Variants in HHAT observed in about 807,000 individuals in gnomAD.
HHAT encodes hedgehog acyltransferase.
A neutral mutation model predicts 70.8 loss-of-function variants in HHAT; 47 were observed. The ratio of observed to expected loss-of-function variants is 0.66; its 90% CI spans 0.53 to 0.85. The LOEUF (loss-of-function observed/expected upper bound fraction) is 0.85. Ranked by LOEUF, HHAT falls within the 40% of genes least tolerant of loss-of-function variation. The pLI, the probability that HHAT is intolerant of heterozygous loss-of-function variation, is 0.00. For missense variants in HHAT, 609 were observed against 604.8 expected, an observed-to-expected ratio of 1.01 and a Z score of -0.07; for synonymous variants, 228 against 247.6, an observed-to-expected ratio of 0.92 and a Z score of 0.74.
At chr1:210,405,977 T>C (rs1033492) in intron 6 of HHAT, among the ~76,000 whole-genome samples, 30,979 of 152,094 alleles carry the variant, frequency 0.2, 3,315 homozygotes, top group Admixed American at 0.25. Flanking sequence ...ACCAGCAGCA[T>C]CAGTATCGCC....
intron 2 of HHAT, among the ~76,000 whole-genome samples, chr1:210,359,838 A>T (rs565645214): frequency 6.2e-4 from 94 of 152,032 alleles, no homozygotes; most frequent in Admixed American, 1.1e-3. Flanking sequence ...CTGTACTCCA[A>T]CCTAGGCGAC....
At chr1:210,356,805 G>A (rs939279436) in intron 2 of HHAT, among the ~76,000 whole-genome samples, 2 of 152,238 alleles carry the variant, frequency 1.3e-5, no homozygotes, top group Admixed American at 6.5e-5. Context: ...AAGATGATCA[G>A]TAACTCTGAA....
intron 7 of HHAT, among the ~76,000 whole-genome samples, chr1:210,439,993 G>T (rs2093468366): frequency 6.6e-6 from 1 of 151,760 alleles, no homozygotes; most frequent in Admixed American, 6.6e-5. Context: ...AACTTCTGGG[G>T]TTTTTTGTTT....
chr1:210,513,210 T>C, intron 9 of HHAT, 22 bp downstream of exon 9: 1 of 1,260,174 alleles, frequency 7.9e-7, no homozygotes, highest in Non-Finnish European at 1.2e-6. Context: ...ATTTTTATTT[T>C]AGATAACATT....
At chr1:210,406,860 G>A (rs2092351051) in intron 6 of HHAT, among the ~76,000 whole-genome samples, 4 of 152,028 alleles carry the variant, frequency 2.6e-5, no homozygotes, top group Non-Finnish European at 5.9e-5. Flanking sequence ...TTCCTGTAGG[G>A]GCCAGGTATA....
At chr1:210,363,508 G>A (rs1033861805) in intron 3 of HHAT, among the ~76,000 whole-genome samples, 5 of 152,120 alleles carry the variant, frequency 3.3e-5, no homozygotes, top group Non-Finnish European at 5.9e-5. Flanking sequence ...ATTCTGGGTA[G>A]GTACCAGACC....
chr1:210,457,197 G>A (rs1235363830), intron 7 of HHAT, among the ~76,000 whole-genome samples: 2 of 152,116 alleles, frequency 1.3e-5, no homozygotes, highest in African/African-American at 4.8e-5. Flanking sequence ...AAATCTCCAA[G>A]TCTCTGTTGT....
intron 11 of HHAT, among the ~76,000 whole-genome samples, chr1:210,668,835 G>A (rs1041084075): frequency 6.6e-6 from 1 of 152,114 alleles, no homozygotes; most frequent in Non-Finnish European, 1.5e-5. Context: ...GTGCAGTGGT[G>A]CAATCTCAGC....
At chr1:210,477,586 G>C (rs892051025) in intron 8 of HHAT, among the ~76,000 whole-genome samples, 2 of 152,156 alleles carry the variant, frequency 1.3e-5, no homozygotes, top group Non-Finnish European at 2.9e-5. Flanking sequence ...GCATCATCAG[G>C]GGCATGGCCT....
chr1:210,526,367 G>GTTTTGTTTTGTTTTGTTTTGTTTTTTT, intron 9 of HHAT, among the ~76,000 whole-genome samples: 1 of 142,336 alleles, frequency 7.0e-6, no homozygotes, highest in South Asian at 2.2e-4. Flanking sequence ...AGTGGGTTCT[G>GTTTTGTTTTGTTTTGTTTTGTTTTTTT]TTTTTTTTTT....
intron 11 of HHAT, among the ~76,000 whole-genome samples, chr1:210,635,557 C>T (rs944960895): frequency 1.3e-5 from 2 of 152,048 alleles, no homozygotes; most frequent in East Asian, 1.9e-4. Context: ...CTATGGCTGT[C>T]GCGCATCAAA....
At chr1:210,343,796 G>A (rs1157727170) in intron 1 of HHAT, among the ~76,000 whole-genome samples, 1 of 152,164 alleles carries the variant, frequency 6.6e-6, no homozygotes, top group Non-Finnish European at 1.5e-5. Flanking sequence ...CCAGATGCAC[G>A]TAGGATGGGC....
chr1:210,498,986 T>C (rs1429976834), intron 8 of HHAT, among the ~76,000 whole-genome samples: 4 of 152,106 alleles, frequency 2.6e-5, no homozygotes, highest in East Asian at 3.9e-4. Flanking sequence ...GCCAGGATGG[T>C]CTCAATCTCT....
chr1:210,487,321 GT>G (rs5780580), intron 8 of HHAT, among the ~76,000 whole-genome samples: 103,486 of 151,750 alleles, frequency 0.68, 35,493 homozygotes, highest in East Asian at 0.77. Flanking sequence ...AAAGTAAGAG[GT>G]TTTTTTTTAG....
chr1:210,418,406 G>A, intron 7 of HHAT, 81 bp downstream of exon 7: 1 of 1,316,394 alleles, frequency 7.6e-7, no homozygotes. Flanking sequence ...AGTGGGGGGT[G>A]AGCAGGGGTG....
At chr1:210,498,546 C>T in intron 8 of HHAT, among the ~76,000 whole-genome samples, 1 of 152,120 alleles carries the variant, frequency 6.6e-6, no homozygotes, top group East Asian at 1.9e-4. Flanking sequence ...TCCCTGAAGA[C>T]CTGGCAACAT....
intron 9 of HHAT, among the ~76,000 whole-genome samples, chr1:210,519,439 A>C (rs899758139): frequency 1.9e-4 from 29 of 152,186 alleles, no homozygotes; most frequent in African/African-American, 5.8e-4. Flanking sequence ...CTGTTTTCCA[A>C]AGTGGCTGTA....
chr1:210,578,420 T>G (rs759265204), intron 9 of HHAT, among the ~76,000 whole-genome samples: 7 of 152,230 alleles, frequency 4.6e-5, no homozygotes, highest in Admixed American at 6.5e-5. Flanking sequence ...AGTATGGAGA[T>G]TCCTTAAAAA....
intron 8 of HHAT, among the ~76,000 whole-genome samples, chr1:210,496,380 C>T (rs1433781527): frequency 6.6e-6 from 1 of 152,102 alleles, no homozygotes; most frequent in South Asian, 2.1e-4. Flanking sequence ...GCCCCCAAGA[C>T]AGAAGATGCA....
Sources: gnomAD v4.1 joint callset for allele counts (sites outside exome capture counted in the v4.1 genomes callset) on GRCh38, gnomAD v4.1.1 for gene constraint, MANE v1.5 for transcripts, NCBI Gene and HGNC (gene_info 2026-07-23, HGNC 2026-07-21) for gene names.